MTMR14: variants seen among roughly 807,000 people sequenced by gnomAD.
MTMR14 encodes myotubularin related protein 14.
Under a neutral mutation model 86.3 loss-of-function variants are expected in MTMR14, and 48 were observed. The ratio of observed to expected loss-of-function variants is 0.56; its 90% CI spans 0.44 to 0.71. MTMR14 has a LOEUF of 0.71. MTMR14 is among the 30% of genes least tolerant of loss of function. The probability of loss-of-function intolerance (pLI) is 0.00; values close to 1 mark genes in which losing one functional copy is unlikely to be tolerated. For synonymous variants in MTMR14, 366 were observed against 326.1 expected (o/e 1.12, Z -1.32); for missense variants, 780 against 834.6 (o/e 0.93, Z 0.81).
intron 17 of MTMR14, among the ~76,000 whole-genome samples, chr3:9,691,915 C>T (rs749950275): frequency 1.3e-5 from 2 of 152,084 alleles, no homozygotes; most frequent in Non-Finnish European, 2.9e-5. Context: ...TTGATCTTTC[C>T]GCTGGTCTGT....
At chr3:9,656,828 C>G (rs1297209698) in intron 2 of MTMR14, among the ~76,000 whole-genome samples, 2 of 152,190 alleles carry the variant, frequency 1.3e-5, no homozygotes, top group Non-Finnish European at 2.9e-5. Flanking sequence ...TCCCCTTCTT[C>G]CTACCCTCTT....
rs1457059177 is a variant in MTMR14 at position 9,670,984 on chromosome 3, C to G, written c.555-64C>G. Reference sequence around the variant, plus strand: ...ACATCCATACTTCCCTGAATGAGTGCCCACCCCCAAGCTCCTGTGAGTGAA... The same window carrying G: ...ACATCCATACTTCCCTGAATGAGTGGCCACCCCCAAGCTCCTGTGAGTGAA... On this transcript the variant is annotated intron_variant, in intron 5 of 18. Transcript: ENST00000296003. 3.1e-6 allele frequency: 5 copies of G among 1,606,440 alleles called. No individual in the cohort carries two copies. The East Asian group carries it at 6.7e-5, about 22-fold the overall frequency.
chr3:9,681,066 A>G (rs1369279119), intron 9 of MTMR14, among the ~76,000 whole-genome samples: 1 of 152,174 alleles, frequency 6.6e-6, no homozygotes, highest in Non-Finnish European at 1.5e-5. Flanking sequence ...GCAGTGGTTA[A>G]CTTTGTCTTC....
intron 4 of MTMR14, 121 bp downstream of exon 4, chr3:9,668,915 G>T: frequency 1.0e-6 from 1 of 993,416 alleles, no homozygotes; most frequent in Non-Finnish European, 1.6e-6. Context: ...CAAGGCGAGC[G>T]GATCCCGAGG....
Position 9,652,562 on chromosome 3 carries a change from G to C in MTMR14, c.160-1059G>C, listed in dbSNP as rs530674607. 7.2e-5 allele frequency among the ~76,000 whole-genome samples: 11 copies of C among 152,198 alleles called. No homozygotes were observed. In the East Asian group the frequency reaches 1.9e-3, roughly 27 times the overall value. On this transcript the variant is annotated intron_variant, in intron 1 of 18. Coordinates refer to ENST00000296003, the MANE Select transcript of MTMR14 (RefSeq NM_001077525.3). Reference sequence around the variant, plus strand: ...CAGCCCAGGAGTTCGAGAGCAGCCTGGAAACATGAACCCCATCTCTATTAA... The same window carrying C: ...CAGCCCAGGAGTTCGAGAGCAGCCTCGAAACATGAACCCCATCTCTATTAA...
Position 9,687,907 on chromosome 3 carries a change from C to T in MTMR14, c.1235+16C>T, listed in dbSNP as rs751560324. The T allele has an allele frequency of 1.3e-6, 2 of 1,579,382 alleles. No homozygotes were observed. The highest frequency in any genetic ancestry group is 2.3e-5 in the East Asian group (1 of 44,222). ...AGACCCAGAGGTAAGTGGAGGCCTG[C>T]ACGTGTCATGCTGGGCCAGGGCGCT... is the stretch of plus-strand genomic sequence containing the variant. On this transcript the variant is annotated intron_variant, in intron 14 of 18. Coordinates refer to ENST00000296003, the MANE Select transcript of MTMR14 (RefSeq NM_001077525.3).
chr3:9,668,032 A>G (rs1222144417), intron 3 of MTMR14, among the ~76,000 whole-genome samples: 4 of 152,022 alleles, frequency 2.6e-5, no homozygotes. Flanking sequence ...CCCCCACCCA[A>G]CTAGATTTCA....
intron 1 of MTMR14, 68 bp from the exon 2 acceptor site, chr3:9,653,553 G>A: frequency 6.2e-7 from 1 of 1,604,218 alleles, no homozygotes; most frequent in East Asian, 2.2e-5. Flanking sequence ...CTTAGGCCAT[G>A]GACCTCCTAA....
chr3:9,664,032 G>A (rs1477169959), intron 3 of MTMR14, among the ~76,000 whole-genome samples: 1 of 140,748 alleles, frequency 7.1e-6, no homozygotes, highest in Non-Finnish European at 1.6e-5. Context: ...CAGGTAATCC[G>A]CCCGCCTCAG....
chr3:9,656,346 A>G (rs1032643340), intron 2 of MTMR14, among the ~76,000 whole-genome samples: 1 of 152,102 alleles, frequency 6.6e-6, no homozygotes, highest in African/African-American at 2.4e-5. Flanking sequence ...AGCCTAAAGA[A>G]TTGGGGTTTG....
rs1356051409 is a variant in MTMR14 at position 9,649,616 on chromosome 3, C to T, written c.33C>T (p.Ala11=). The T allele has an allele frequency of 1.9e-6, 3 of 1,551,890 alleles. No individual in the cohort carries two copies. The highest frequency in any genetic ancestry group is 2.1e-4 in the Middle Eastern group (1 of 4,658). The part of the protein sequence containing the change: MAGARAAAAA[A]SAGSSASSGN... ...GCGCTCGGGCCGCCGCCGCCGCTGC[C>T]TCGGCGGGGTCCTCGGCCTCTTCAG... The change falls in exon 1 of 19, where the codon GCC becomes GCT. Residue 11 remains alanine, a synonymous_variant. Coordinates refer to ENST00000296003, the MANE Select transcript of MTMR14 (RefSeq NM_001077525.3).
intron 1 of MTMR14, among the ~76,000 whole-genome samples, chr3:9,651,215 C>CT (rs2047268722): frequency 6.6e-6 from 1 of 152,176 alleles, no homozygotes; most frequent in Non-Finnish European, 1.5e-5. Context: ...GATCCTCCCA[C>CT]TTAAGCCTGC....
intron 11 of MTMR14, 31 bp from the exon 12 acceptor site, chr3:9,684,857 G>A: frequency 6.2e-7 from 1 of 1,608,252 alleles, no homozygotes; most frequent in Non-Finnish European, 8.5e-7. Flanking sequence ...TGAGAAGAGG[G>A]CTCTGTCACA....
intron 2 of MTMR14, among the ~76,000 whole-genome samples, chr3:9,654,130 G>C (rs2047465269): frequency 2.0e-5 from 3 of 152,180 alleles, no homozygotes; most frequent in Non-Finnish European, 4.4e-5. Flanking sequence ...TGTAGCACTT[G>C]AGAGCCTAAG....
intron 1 of MTMR14, among the ~76,000 whole-genome samples, chr3:9,650,721 A>T (rs889126313): frequency 6.6e-6 from 1 of 151,606 alleles, no homozygotes; most frequent in African/African-American, 2.4e-5. Context: ...GTGAAAACAG[A>T]GATTCCTTAG....
In MTMR14 at chr3:9,649,550, C is replaced by G. The variant is rs1315193023; in HGVS notation, c.-34C>G. Reference sequence around the variant, plus strand: ...GGTGCAGGCAGGTGCCATGGGCCCGCTTGAGGCACACTGAGGGGACGCGGG... The same window carrying G: ...GGTGCAGGCAGGTGCCATGGGCCCGGTTGAGGCACACTGAGGGGACGCGGG... On this transcript the variant is annotated 5_prime_UTR_variant, in exon 1 of 19. Transcript: ENST00000296003. 6.5e-7 allele frequency: 1 copy of G among 1,527,100 alleles called. No homozygotes were observed. The allele number at this position is 1,527,100 out of a possible 1,614,324, so 94.6% of individuals were successfully genotyped here.
intron 13 of MTMR14, among the ~76,000 whole-genome samples, chr3:9,686,552 A>C (rs1305351672): frequency 6.6e-6 from 1 of 152,222 alleles, no homozygotes; most frequent in African/African-American, 2.4e-5. Context: ...TTAGTTAAAC[A>C]CGATTGTGTC....
intron 3 of MTMR14, 58 bp downstream of exon 3, chr3:9,662,433 C>T: frequency 7.0e-7 from 1 of 1,433,442 alleles, no homozygotes. Context: ...AGCTGACTTA[C>T]TGCAAAGTAT....
intron 9 of MTMR14, among the ~76,000 whole-genome samples, chr3:9,678,389 G>A (rs1033085139): frequency 6.6e-6 from 1 of 152,214 alleles, no homozygotes; most frequent in Admixed American, 6.5e-5. Flanking sequence ...CCTTTTAAAT[G>A]TGTGTTCAGC....
Sources: allele counts gnomAD v4.1 joint callset (sites outside exome capture counted in the v4.1 genomes callset), GRCh38; gene constraint gnomAD v4.1.1; transcripts MANE v1.5; gene names NCBI Gene and HGNC (gene_info 2026-07-23, HGNC 2026-07-21).